TRIM40: variants seen among roughly 807,000 people sequenced by gnomAD.
TRIM40 encodes E3 ubiquitin ligase TRIM40.
In TRIM40, 27 loss-of-function variants were observed where a neutral mutation model predicts 26.1. The observed-to-expected ratio is 1.04, with a 90% CI of 0.76 to 1.43. The LOEUF is 1.43. TRIM40 is among the 40% of genes most tolerant of loss of function. TRIM40 has a pLI of 0.00. For synonymous variants in TRIM40, 114 were observed against 120.0 expected (o/e 0.95, Z 0.33); for missense variants, 289 against 307.9 (o/e 0.94, Z 0.46).
chr6:30,144,189 G>A (rs1771514836), intron 2 of TRIM40, among the ~76,000 whole-genome samples: 2 of 152,108 alleles, frequency 1.3e-5, no homozygotes, highest in Admixed American at 6.6e-5. Context: ...GAAGGAGTTT[G>A]GGCTTATCTT....
At position 30,147,793 on chromosome 6, in the gene TRIM40, A is replaced by C. The variant is rs747328194; in HGVS notation, c.758A>C (p.Gln253Pro). ...LEKGVSELLL[Q>P]PPQKL Reference sequence around the variant, plus strand: ...AAAGGAGTCAGTGAATTGCTTCTTCAGCCCCCTCAGAAGCTCTGACCTGTT... The same window carrying C: ...AAAGGAGTCAGTGAATTGCTTCTTCCGCCCCCTCAGAAGCTCTGACCTGTT... The change falls in exon 6 of 6, where the codon CAG (glutamine) becomes CCG (proline). Residue 253 changes from glutamine to proline, a missense_variant. By Grantham distance (76) the Gln-to-Pro change is moderately conservative (BLOSUM62 -1). Transcript: ENST00000396581. 12 of 1,614,150 alleles carry C rather than the reference A, an allele frequency of 7.4e-6. No homozygotes were observed. The African/African-American group carries it at 1.2e-4, about 16-fold the overall frequency.
At chr6:30,146,927 G>A in intron 3 of TRIM40, 58 bp from the exon 4 acceptor site, 1 of 1,507,384 alleles carries the variant, frequency 6.6e-7, no homozygotes, top group Non-Finnish European at 9.0e-7. Flanking sequence ...TTCAGAGACT[G>A]TGAAGGGCCA....
intron 2 of TRIM40, among the ~76,000 whole-genome samples, chr6:30,143,260 T>C (rs116591530): frequency 0.011 from 1,682 of 152,214 alleles, 24 homozygotes; most frequent in African/African-American, 0.034. Flanking sequence ...TTTGACAATT[T>C]TTACTTGTAG....
Position 30,136,865 on chromosome 6 carries a change from G to A in TRIM40, c.-172G>A. The A allele has an allele frequency of 1.6e-6, 1 of 623,266 alleles. No homozygotes were observed. 38.6% of individuals were successfully genotyped at this position (623,266 alleles called of 1,614,324 possible). A position where few individuals can be genotyped will look rare whatever the true frequency, so the allele number is the denominator to read the frequency against. On this transcript the variant is annotated 5_prime_UTR_variant, in exon 2 of 6. Coordinates refer to ENST00000396581, the MANE Select transcript of TRIM40 (RefSeq NM_001286633.2). ...TCTATGTCACGGCACCCTTGAGGGA[G>A]AGTGGGCAATTGCCTGAACTTGGAG...
chr6:30,141,995 A>C (rs1008168134), intron 2 of TRIM40, among the ~76,000 whole-genome samples: 2 of 152,206 alleles, frequency 1.3e-5, no homozygotes, highest in Non-Finnish European at 2.9e-5. Flanking sequence ...AAAGTAACAC[A>C]GAGAGGGAGG....
In TRIM40 at chr6:30,145,204, TAA is replaced by T. The variant is rs9280909; in HGVS notation, c.346-779_346-778del. ...TCTCCAAAATCTCCTCAAAAAAGAT[TAA>T]AAAAAAAAAATCTGAAGTGGGAAAG... On this transcript the variant is annotated intron_variant, in intron 2 of 5. Transcript: ENST00000396581. Among the ~76,000 whole-genome samples, 36 of 148,610 alleles carry T rather than the reference TAA, an allele frequency of 2.4e-4. No homozygotes were observed. The South Asian group carries it at 6.0e-3, about 25-fold the overall frequency.
In TRIM40 at chr6:30,137,130, C is replaced by G. The variant is rs144673857; in HGVS notation, c.94C>G (p.Leu32Val). 1 of 1,613,088 alleles carries G rather than the reference C, an allele frequency of 6.2e-7. No individual in the cohort carries two copies. The highest frequency in any genetic ancestry group is 1.1e-5 in the South Asian group (1 of 91,090). ...KEAVSTNCGH[L>V]FCRVCLTQHV... ...GGCCGTGAGCACCAACTGCGGACAT[C>G]TCTTCTGTCGAGTGTGCCTGACACA... Residue 32 changes from leucine to valine, a missense_variant, in exon 2 of 6, where the codon CTC becomes GTC. Leu to Val is a conservative substitution (Grantham distance 32). Coordinates refer to ENST00000396581, the MANE Select transcript of TRIM40 (RefSeq NM_001286633.2).
intron 3 of TRIM40, 90 bp downstream of exon 3, chr6:30,146,179 C>A: frequency 9.1e-7 from 1 of 1,100,670 alleles, no homozygotes. Flanking sequence ...GTCCCTGGAA[C>A]AGCCTGATGT....
intron 2 of TRIM40, 114 bp from the exon 3 acceptor site, chr6:30,145,880 A>G: frequency 1.3e-6 from 1 of 745,264 alleles, no homozygotes; most frequent in Admixed American, 2.4e-5. Flanking sequence ...TTTTAGGCAG[A>G]ATTTTACATT....
chr6:30,143,093 A>T (rs1304128221), intron 2 of TRIM40, among the ~76,000 whole-genome samples: 1 of 151,992 alleles, frequency 6.6e-6, no homozygotes, highest in African/African-American at 2.4e-5. Context: ...AAGAATCATG[A>T]CTTTTGGGGG....
intron 3 of TRIM40, among the ~76,000 whole-genome samples, chr6:30,146,396 T>C (rs1169839145): frequency 1.3e-5 from 2 of 152,010 alleles, no homozygotes; most frequent in African/African-American, 2.4e-5. Flanking sequence ...GCCATAGGCC[T>C]CTGTTTCTTT....
chr6:30,137,444 G>A, intron 2 of TRIM40, 63 bp downstream of exon 2: 1 of 1,416,596 alleles, frequency 7.1e-7, no homozygotes, highest in Non-Finnish European at 9.8e-7. Context: ...CATCCTACAT[G>A]TTCATCATGC....
chr6:30,147,658 GGCCAATGGAAGA>G (rs1352282357), intron 5 of TRIM40, 55 bp from the exon 6 acceptor site: 1 of 1,603,598 alleles, frequency 6.2e-7, no homozygotes, highest in Admixed American at 1.7e-5. Flanking sequence ...GATGCTACAT[GGCCAATGGAAGA>G]GCCAATGGAA....
chr6:30,146,080 G>T lies in TRIM40; in HGVS notation c.432G>T (p.Gln144His). 6.2e-7 allele frequency: 1 copy of T among 1,612,836 alleles called. No individual in the cohort carries two copies. Among genetic ancestry groups the T allele is most frequent in the Non-Finnish European group, 8.5e-7 (1 of 1,179,934 alleles). ...RLKAQQEKKL[Q>H]ALQFQVDHGN... The stretch of plus-strand genomic sequence containing the variant: ...AGGCTCAGCAGGAGAAGAAACTGCA[G>T]GCTCTGCAGGTGGGTTTTTCGGGTT... The change falls in exon 3 of 6, where the codon CAG (glutamine) becomes CAT (histidine). Residue 144 changes from glutamine (Q) to histidine (H), a missense_variant. Gln to His is a conservative substitution (Grantham distance 24). Coordinates refer to ENST00000396581, the MANE Select transcript of TRIM40 (RefSeq NM_001286633.2).
Position 30,136,939 on chromosome 6 carries a change from G to A in TRIM40, c.-98G>A. 1 of 1,266,232 alleles carries A rather than the reference G, an allele frequency of 7.9e-7. No homozygotes were observed. The highest frequency in any genetic ancestry group is 1.1e-6 in the Non-Finnish European group (1 of 919,368). The allele number at this position is 1,266,232 out of a possible 1,614,324, so 78.4% of individuals were successfully genotyped here. On this transcript the variant is annotated 5_prime_UTR_variant, in exon 2 of 6. Coordinates refer to ENST00000396581, the MANE Select transcript of TRIM40 (RefSeq NM_001286633.2). Reference sequence around the variant, plus strand: ...TCCAGGGCTGCCTCCTTCCGACTGGGCCTTCTTATCTGGGACTGTTGAGGG... The same window carrying A: ...TCCAGGGCTGCCTCCTTCCGACTGGACCTTCTTATCTGGGACTGTTGAGGG...
chr6:30,147,785 G>T lies in TRIM40; in HGVS notation c.750G>T (p.Leu250Phe), dbSNP rs773441391. Residue 250 changes from leucine (L) to phenylalanine (F), a missense_variant, in exon 6 of 6, where the codon TTG becomes TTT. Physicochemically the swap from Leu to Phe is conservative, Grantham distance 22. Transcript: ENST00000396581. ...AGTTGGAGAAAGGAGTCAGTGAATT[G>T]CTTCTTCAGCCCCCTCAGAAGCTCT... is the stretch of plus-strand genomic sequence containing the variant. ...YPQLEKGVSE[L>F]LLQPPQKL 2.5e-6 allele frequency: 4 copies of T among 1,614,202 alleles called. No homozygotes were observed. Among genetic ancestry groups the T allele is most frequent in the Middle Eastern group, 1.6e-4 (1 of 6,062 alleles).
At position 30,136,805 on chromosome 6, in the gene TRIM40, T is replaced by C. The variant is rs933640270; in HGVS notation, c.-232T>C. The C allele has an allele frequency of 5.4e-5, 30 of 559,352 alleles. No homozygotes were observed. The Admixed American group carries it at 6.4e-4, about 12-fold the overall frequency. 34.6% of individuals were successfully genotyped at this position (559,352 alleles called of 1,614,324 possible). On this transcript the variant is annotated 5_prime_UTR_variant, in exon 2 of 6. Coordinates refer to ENST00000396581, the MANE Select transcript of TRIM40 (RefSeq NM_001286633.2). ...GGTCCATGTCAAAGCTGATGAGCTA[T>C]TTCTGAAACTCGTGCAGAATTGTGG...
chr6:30,144,953 C>A (rs1229586302), intron 2 of TRIM40, among the ~76,000 whole-genome samples: 1 of 152,122 alleles, frequency 6.6e-6, no homozygotes, highest in Non-Finnish European at 1.5e-5. Flanking sequence ...TTTTTTATTT[C>A]GTCTCTGCTG....
At chr6:30,139,769 A>C (rs966889699) in intron 2 of TRIM40, among the ~76,000 whole-genome samples, 4 of 152,172 alleles carry the variant, frequency 2.6e-5, no homozygotes, top group African/African-American at 9.7e-5. Flanking sequence ...GGGGGTAGGG[A>C]GTGCATACAG....
Sources: allele counts gnomAD v4.1 joint callset (sites outside exome capture counted in the v4.1 genomes callset), GRCh38; gene constraint gnomAD v4.1.1; transcripts MANE v1.5; gene names NCBI Gene and HGNC (gene_info 2026-07-23, HGNC 2026-07-21).